CSTPP1: variants seen among roughly 807,000 people sequenced by gnomAD.
The protein encoded by CSTPP1 is UPF0705 protein C11orf49.
the CSTPP1 span, among the ~76,000 whole-genome samples, chr11:47,016,175 G>T: frequency 2.6e-5 from 4 of 152,070 alleles, no homozygotes; most frequent in Non-Finnish European, 5.9e-5. Context: ...TTCACCAAGT[G>T]AAGGGCATCT....
chr11:47,156,891 G>A, the CSTPP1 span: 7 of 851,412 alleles, frequency 8.2e-6, no homozygotes, highest in African/African-American at 1.2e-4. Context: ...TCTGCTCTCA[G>A]GACACCATGC....
the CSTPP1 span, chr11:47,161,972 C>G: frequency 9.5e-7 from 1 of 1,058,200 alleles, no homozygotes; most frequent in Non-Finnish European, 1.1e-6. Context: ...TCTGCGGGTC[C>G]CCCAATAAGG....
At chr11:46,996,718 C>T in the CSTPP1 span, among the ~76,000 whole-genome samples, 257 of 152,144 alleles carry the variant, frequency 1.7e-3, no homozygotes, top group African/African-American at 6.0e-3. Context: ...TTTTCCTTTC[C>T]ACGTTTAGTG....
chr11:47,142,995 G>C, the CSTPP1 span, among the ~76,000 whole-genome samples: 235 of 152,282 alleles, frequency 1.5e-3, no homozygotes, highest in African/African-American at 5.3e-3. Flanking sequence ...GGAATTATGG[G>C]AATGGCAGTA....
the CSTPP1 span, among the ~76,000 whole-genome samples, chr11:47,029,014 T>A: frequency 3.4e-5 from 5 of 147,502 alleles, no homozygotes; most frequent in Non-Finnish European, 7.5e-5. Flanking sequence ...ATTTTCATAT[T>A]TTTTTTTTTT....
At chr11:46,940,803 A>G in the CSTPP1 span, among the ~76,000 whole-genome samples, 2 of 152,156 alleles carry the variant, frequency 1.3e-5, no homozygotes, top group East Asian at 3.8e-4. Context: ...TTTTTTCCAA[A>G]GATTTTATGT....
At chr11:46,958,571 A>G in the CSTPP1 span, among the ~76,000 whole-genome samples, 1 of 152,058 alleles carries the variant, frequency 6.6e-6, no homozygotes, top group South Asian at 2.1e-4. Context: ...TGAAGTCCCA[A>G]TGTGCTGGGG....
the CSTPP1 span, among the ~76,000 whole-genome samples, chr11:47,086,542 A>G: frequency 2.5e-3 from 378 of 152,238 alleles, 1 homozygote; most frequent in African/African-American, 8.3e-3. Context: ...GGAAGAGAAG[A>G]TAATAAAGGG....
chr11:47,105,803 T>G, the CSTPP1 span, among the ~76,000 whole-genome samples: 286 of 152,340 alleles, frequency 1.9e-3, no homozygotes, highest in African/African-American at 6.7e-3. Flanking sequence ...GCACATAAAA[T>G]GCAAGCTTTT....
the CSTPP1 span, among the ~76,000 whole-genome samples, chr11:47,104,679 T>A: frequency 6.6e-6 from 1 of 152,290 alleles, no homozygotes; most frequent in African/African-American, 2.4e-5. Flanking sequence ...CTGCAGCTCA[T>A]CAATATTAAT....
chr11:47,159,172 G>T, the CSTPP1 span, among the ~76,000 whole-genome samples: 1 of 152,194 alleles, frequency 6.6e-6, no homozygotes, highest in South Asian at 2.1e-4. Context: ...GCCCTCAACT[G>T]AAGTTGGTAG....
the CSTPP1 span, chr11:47,157,212 A>C: frequency 5.1e-6 from 8 of 1,576,630 alleles, no homozygotes; most frequent in Non-Finnish European, 6.0e-6. Context: ...GATCGGCACA[A>C]GTACAGGTGA....
the CSTPP1 span, among the ~76,000 whole-genome samples, chr11:47,007,912 CT>C: frequency 6.6e-6 from 1 of 152,102 alleles, no homozygotes; most frequent in Non-Finnish European, 1.5e-5. Flanking sequence ...GCCAAAAGAG[CT>C]TTAGGGTTTA....
chr11:47,004,575 C>G, the CSTPP1 span: 1 of 152,190 alleles, frequency 6.6e-6, no homozygotes, highest in Non-Finnish European at 1.5e-5. Flanking sequence ...CTCTTAACCA[C>G]TTCACTCATC....
the CSTPP1 span, among the ~76,000 whole-genome samples, chr11:46,943,568 T>G: frequency 6.6e-6 from 1 of 152,212 alleles, no homozygotes; most frequent in Non-Finnish European, 1.5e-5. Context: ...TCCAATTTCT[T>G]CTTGCCACTG....
the CSTPP1 span, among the ~76,000 whole-genome samples, chr11:46,981,766 T>A: frequency 0.76 from 115,362 of 151,856 alleles, 44,537 homozygotes; most frequent in African/African-American, 0.84. Flanking sequence ...TTTAAAAAAA[T>A]TGCTATTACC....
At chr11:47,031,176 C>T in the CSTPP1 span, among the ~76,000 whole-genome samples, 1 of 152,162 alleles carries the variant, frequency 6.6e-6, no homozygotes, top group Admixed American at 6.5e-5. Context: ...TGACATCATA[C>T]ATAAATTCTT....
the CSTPP1 span, among the ~76,000 whole-genome samples, chr11:47,122,482 C>A: frequency 6.6e-6 from 1 of 151,956 alleles, no homozygotes; most frequent in Non-Finnish European, 1.5e-5. Flanking sequence ...TCCTGCCTGC[C>A]GGCCTGCCAT....
At chr11:47,052,143 TCTGTGTGTAC>T in the CSTPP1 span, 1 of 330,178 alleles carries the variant, frequency 3.0e-6, no homozygotes, top group South Asian at 7.0e-5. Flanking sequence ...TCAGATGTCC[TCTGTGTGTAC>T]CTGTGGAAGG....
Sources: allele counts gnomAD v4.1 joint callset (sites outside exome capture counted in the v4.1 genomes callset), GRCh38; gene constraint gnomAD v4.1.1; transcripts MANE v1.5; gene names NCBI Gene and HGNC (gene_info 2026-07-23, HGNC 2026-07-21).